Variants in PCNX1 observed in about 807,000 individuals in gnomAD.
PCNX1 encodes pecanex 1.
A neutral mutation model predicts 242.2 loss-of-function variants in PCNX1; 78 were observed. That is an observed-to-expected ratio of 0.32 (90% confidence interval 0.27 to 0.39). The LOEUF is 0.39. Ranked by LOEUF, PCNX1 falls within the 10% of genes least tolerant of loss-of-function variation. PCNX1 has a pLI of 1.00. For synonymous variants in PCNX1, 1,024 were observed against 1,032.9 expected (o/e 0.99, Z 0.17); for missense variants, 2,581 against 2,856.5 (o/e 0.90, Z 2.20).
At chr14:71,086,006 TCA>T (rs2061980028) in intron 28 of PCNX1, among the ~76,000 whole-genome samples, 1 of 152,230 alleles carries the variant, frequency 6.6e-6, no homozygotes, top group Admixed American at 6.5e-5. Flanking sequence ...TCATTTATTT[TCA>T]GTCTTTTTTC....
At chr14:71,046,343 A>G (rs1319111699) in intron 20 of PCNX1, among the ~76,000 whole-genome samples, 1 of 152,070 alleles carries the variant, frequency 6.6e-6, no homozygotes, top group African/African-American at 2.4e-5. Context: ...ATCTTAGAAC[A>G]TGTAGTCTAC....
chr14:70,976,090 A>G (rs1038447814), intron 5 of PCNX1, among the ~76,000 whole-genome samples: 29 of 152,236 alleles, frequency 1.9e-4, no homozygotes, highest in African/African-American at 6.3e-4. Context: ...TTGTGAAATA[A>G]TCGTATTAGC....
At chr14:71,019,286 C>T in intron 12 of PCNX1, 124 bp downstream of exon 12, 1 of 755,230 alleles carries the variant, frequency 1.3e-6, no homozygotes, top group Non-Finnish European at 2.1e-6. Context: ...TGCATGTTTA[C>T]ATAAGATTGT....
At chr14:71,094,683 G>A (rs1366227243) in intron 30 of PCNX1, among the ~76,000 whole-genome samples, 2 of 152,058 alleles carry the variant, frequency 1.3e-5, no homozygotes, top group South Asian at 2.1e-4. Context: ...TCCCAGCACC[G>A]TTGGGAGGCC....
chr14:71,045,352 A>G, intron 20 of PCNX1, 69 bp downstream of exon 20: 3 of 1,114,010 alleles, frequency 2.7e-6, no homozygotes, highest in Non-Finnish European at 3.9e-6. Flanking sequence ...TTGATAGATG[A>G]CTGAGTTAAG....
At chr14:71,060,113 A>G (rs551037047) in intron 26 of PCNX1, among the ~76,000 whole-genome samples, 5 of 152,310 alleles carry the variant, frequency 3.3e-5, no homozygotes, top group African/African-American at 7.2e-5. Context: ...GACTGCAGCA[A>G]TGGACTGCAC....
chr14:70,959,220 T>C (rs1360145715), intron 2 of PCNX1, among the ~76,000 whole-genome samples: 5 of 110,018 alleles, frequency 4.5e-5, no homozygotes, highest in Admixed American at 3.3e-4. Context: ...GTTCCTGTTA[T>C]CTTTTTTTTT....
Position 70,977,325 on chromosome 14 carries a change from G to A in PCNX1, c.988G>A (p.Val330Met). ...TCTTTCTGGATCCAAAGAATCCTTG[G>A]TGGAAAATTCTGGTTTATCTGGGGA... ...KPLSGSKESL[V>M]ENSGLSGEFQ... Residue 330 changes from valine (V) to methionine (M), a missense_variant, in exon 6 of 36, where the codon GTG (valine) becomes ATG (methionine). Coordinates refer to ENST00000304743, the MANE Select transcript of PCNX1 (RefSeq NM_014982.3). 1.2e-6 allele frequency: 2 copies of A among 1,614,156 alleles called. No individual in the cohort carries two copies. The highest frequency in any genetic ancestry group is 1.7e-6 in the Non-Finnish European group (2 of 1,180,022).
In PCNX1 at chr14:71,045,153, G is replaced by T; in HGVS notation, c.3888G>T (p.Leu1296Phe). The change falls in exon 20 of 36, where the codon TTG becomes TTT. Residue 1296 changes from leucine (L) to phenylalanine (F), a missense_variant. Leu to Phe is a conservative substitution (Grantham distance 22). Around this residue, in one of 9 missense-constraint regions of PCNX1, gnomAD observed 432 missense variants for 443.1 expected, o/e 0.97. Transcript: ENST00000304743. Reference sequence around the variant, plus strand: ...TTTAGCCTGCCCTCAAGTATGTGTTGTATACATTGGTTGGCTTTGTGGGTT... The same window carrying T: ...TTTAGCCTGCCCTCAAGTATGTGTTTTATACATTGGTTGGCTTTGTGGGTT... ...TVLQPALKYV[L>F]YTLVGFVGFV... 2 of 1,610,970 alleles carry T rather than the reference G, an allele frequency of 1.2e-6. No individual in the cohort carries two copies. The highest frequency in any genetic ancestry group is 2.2e-5 in the South Asian group (2 of 90,494).
chr14:70,979,789 T>C (rs1196789600), intron 6 of PCNX1, among the ~76,000 whole-genome samples: 1 of 152,144 alleles, frequency 6.6e-6, no homozygotes, highest in Non-Finnish European at 1.5e-5. Context: ...GGGTCAAGTT[T>C]CTAGCCAGAT....
rs1459587925 is a variant in PCNX1, at chr14:71,089,279, T to C, written c.5526T>C (p.Ala1842=). The C allele has an allele frequency of 4.3e-6, 7 of 1,612,438 alleles. No homozygotes were observed. The highest frequency in any genetic ancestry group is 5.9e-6 in the Non-Finnish European group (7 of 1,178,586). The change falls in exon 30 of 36, where the codon GCT becomes GCC. Residue 1842 remains alanine, a synonymous_variant. Transcript: ENST00000304743. ...ISSIRDEWIF[A]DMELLRKVVV... ...CAATTCGAGATGAATGGATCTTTGC[T>C]GACATGGAATTGCTAAGAAAAGTAG...
chr14:70,986,323 T>G (rs897490817), intron 6 of PCNX1, among the ~76,000 whole-genome samples: 2 of 152,362 alleles, frequency 1.3e-5, no homozygotes, highest in East Asian at 3.9e-4. Context: ...AATTCCACTT[T>G]AACATTGTTC....
intron 4 of PCNX1, among the ~76,000 whole-genome samples, chr14:70,968,534 G>A (rs933860293): frequency 1.3e-5 from 2 of 152,176 alleles, no homozygotes; most frequent in Admixed American, 1.3e-4. Context: ...GTGGGTTTTA[G>A]TGGGGTTCAT....
chr14:71,110,419 TGAAA>T lies in PCNX1; in HGVS notation c.*487_*490del, dbSNP rs1179563601. ...AGCAGTATAAAAGTTTAATGTACAG[TGAAA>T]GAGACTATGAACAGACATAGATTTA... On this transcript the variant is annotated 3_prime_UTR_variant, in exon 36 of 36. Transcript: ENST00000304743. 2.9e-5 allele frequency: 5 copies of T among 175,012 alleles called. No individual in the cohort carries two copies. Among genetic ancestry groups the T allele is most frequent in the South Asian group, 1.2e-4 (1 of 8,030 alleles). The allele number at this position is 175,012 out of a possible 1,614,324, so 10.8% of individuals were successfully genotyped here. A position where few individuals can be genotyped will look rare whatever the true frequency, so the allele number is the denominator to read the frequency against.
At chr14:71,073,440 A>G (rs1207631656) in intron 26 of PCNX1, 105 bp from the exon 27 acceptor site, 9 of 1,094,134 alleles carry the variant, frequency 8.2e-6, no homozygotes, top group East Asian at 4.8e-5. Context: ...CATACTTTCA[A>G]TTGCAATAAA....
In PCNX1 at chr14:70,977,904, G is replaced by A. The variant is rs372337910; in HGVS notation, c.1567G>A (p.Val523Ile). 44 of 1,614,068 alleles carry A rather than the reference G, an allele frequency of 2.7e-5. No homozygotes were observed. The highest frequency in any genetic ancestry group is 3.6e-5 in the Non-Finnish European group (43 of 1,180,040). Residue 523 changes from valine (V) to isoleucine (I), a missense_variant, in exon 6 of 36, where the codon GTT becomes ATT. Val to Ile is a conservative substitution (Grantham distance 29). Around this residue, in one of 9 missense-constraint regions of PCNX1, gnomAD observed 1,204 missense variants for 1,216.7 expected, o/e 0.99. Transcript: ENST00000304743. ...NKEEKSDKSA[V>I]SVDSKVRKDV... The stretch of plus-strand genomic sequence containing the variant: ...AGAAGAGAAGAGTGATAAGTCAGCT[G>A]TTTCTGTGGATTCCAAAGTGCGTAA...
chr14:70,918,307 C>A (rs747104496), intron 1 of PCNX1, among the ~76,000 whole-genome samples: 9 of 152,162 alleles, frequency 5.9e-5, no homozygotes, highest in Non-Finnish European at 1.2e-4. Flanking sequence ...TAAATTTAAT[C>A]ATTTCCAGCT....
intron 2 of PCNX1, among the ~76,000 whole-genome samples, chr14:70,947,752 CAAG>C (rs1246231659): frequency 6.6e-6 from 1 of 152,148 alleles, no homozygotes; most frequent in Non-Finnish European, 1.5e-5. Flanking sequence ...TTTCAGGGAA[CAAG>C]GAGATAACCA....
intron 10 of PCNX1, 73 bp from the exon 11 acceptor site, chr14:71,012,912 A>G (rs1050246427): frequency 2.2e-5 from 22 of 978,174 alleles, no homozygotes; most frequent in Non-Finnish European, 3.4e-5. Flanking sequence ...TTATGAAGAT[A>G]TTTTATTTTG....
Sources: allele counts gnomAD v4.1 joint callset (sites outside exome capture counted in the v4.1 genomes callset), GRCh38; gene constraint gnomAD v4.1.1; regional missense constraint gnomAD v4.1.1; transcripts MANE v1.5; gene names NCBI Gene and HGNC (gene_info 2026-07-23, HGNC 2026-07-21).